GAS7: variants seen among roughly 807,000 people sequenced by gnomAD.
GAS7 encodes growth arrest specific 7.
Under a neutral mutation model 71.1 loss-of-function variants are expected in GAS7, and 28 were observed. The ratio of observed to expected loss-of-function variants is 0.39; its 90% CI spans 0.29 to 0.54. The LOEUF is 0.54. GAS7 is among the 20% of genes least tolerant of loss of function. The pLI is 0.62. For synonymous variants in GAS7, 258 were observed against 245.8 expected (o/e 1.05, Z -0.46); for missense variants, 436 against 627.8 (o/e 0.69, Z 3.27).
intron 1 of GAS7, among the ~76,000 whole-genome samples, chr17:10,164,932 T>C (rs2074282193): frequency 6.7e-6 from 1 of 149,140 alleles, no homozygotes; most frequent in African/African-American, 2.5e-5. Context: ...GCGGATCACC[T>C]GAGGTCAGGA....
intron 2 of GAS7, among the ~76,000 whole-genome samples, chr17:9,999,216 T>C (rs3786085): frequency 0.25 from 37,482 of 152,132 alleles, 7,274 homozygotes; most frequent in African/African-American, 0.54. Flanking sequence ...TGTGACTTTA[T>C]GTGTATAAAT....
At chr17:10,086,245 T>C (rs1458231578) in intron 1 of GAS7, among the ~76,000 whole-genome samples, 1 of 152,246 alleles carries the variant, frequency 6.6e-6, no homozygotes. Flanking sequence ...CAACAAAGCA[T>C]GCTCACTGTT....
intron 2 of GAS7, among the ~76,000 whole-genome samples, chr17:10,015,593 G>C (rs768128677): frequency 4.6e-5 from 7 of 152,172 alleles, no homozygotes; most frequent in Non-Finnish European, 7.3e-5. Context: ...CTGCAGAAAG[G>C]CAGGCAGATT....
At chr17:10,006,551 G>T (rs901076377) in intron 2 of GAS7, among the ~76,000 whole-genome samples, 7 of 151,656 alleles carry the variant, frequency 4.6e-5, no homozygotes, top group Admixed American at 4.6e-4. Context: ...GCATGGTCTC[G>T]ATCTCCTGAC....
At position 9,959,808 on chromosome 17, in the gene GAS7, C is replaced by T. The variant is rs915152777; in HGVS notation, c.472-553G>A. 9.2e-5 allele frequency among the ~76,000 whole-genome samples: 14 copies of T among 151,498 alleles called. No homozygotes were observed. In the East Asian group the frequency reaches 1.5e-3, roughly 17 times the overall value. On this transcript the variant is annotated intron_variant, in intron 4 of 13. Coordinates refer to ENST00000432992, the MANE Select transcript of GAS7 (RefSeq NM_201433.2). This position sits in a 1 kb window ranked among gnomAD's most constrained non-coding sequence, Gnocchi z 5.0. ...GCCAGGAGGGATTTCTCAGCCAAAC[C>T]GACTTCCAGCTTCCACTCAGTCTTT...
chr17:10,176,512 G>A (rs1408532587), intron 1 of GAS7, among the ~76,000 whole-genome samples: 1 of 152,228 alleles, frequency 6.6e-6, no homozygotes, highest in African/African-American at 2.4e-5. Flanking sequence ...GCAGCAGAAT[G>A]GGTGTCACCA....
intron 1 of GAS7, among the ~76,000 whole-genome samples, chr17:10,104,895 C>T (rs2073742734): frequency 6.6e-6 from 1 of 152,212 alleles, no homozygotes; most frequent in South Asian, 2.1e-4. Flanking sequence ...CCAGAGGGAA[C>T]TTATAAAACA....
At chr17:10,168,934 C>A (rs2142128677) in intron 1 of GAS7, among the ~76,000 whole-genome samples, 1 of 148,460 alleles carries the variant, frequency 6.7e-6, no homozygotes, top group South Asian at 2.1e-4. Flanking sequence ...CACGCCACTG[C>A]ACTCCAGCGT....
chr17:9,938,590 T>A (rs2068485267), intron 8 of GAS7, among the ~76,000 whole-genome samples: 1 of 150,600 alleles, frequency 6.6e-6, no homozygotes, highest in Admixed American at 6.6e-5. Flanking sequence ...TGCAACCCAA[T>A]GGGAGAGTCC....
rs182748241 is a variant in GAS7 at position 10,118,289 on chromosome 17, C to T, written c.183+79919G>A. Among the ~76,000 whole-genome samples the T allele has an allele frequency of 1.2e-3, 182 of 152,290 alleles. 7 individuals are homozygous for T. The South Asian group carries it at 0.02, about 17-fold the overall frequency. ...AGGTGGGAAGGAAGTCATGGGAGCACAGCTGGATTCTGGAATGCAGCCCAA... is the reference window on the plus strand; with the variant it reads ...AGGTGGGAAGGAAGTCATGGGAGCATAGCTGGATTCTGGAATGCAGCCCAA... On this transcript the variant is annotated intron_variant, in intron 1 of 13. Transcript: ENST00000432992.
chr17:10,106,981 CAGTCCCACTGGACTGTGGT>C (rs1336629770), intron 1 of GAS7, among the ~76,000 whole-genome samples: 1 of 152,138 alleles, frequency 6.6e-6, no homozygotes. Context: ...GCTGATGCCA[CAGTCCCACTGGACTGTGGT>C]AAGGTGGTTC....
At chr17:10,129,160 A>C (rs2073976879) in intron 1 of GAS7, among the ~76,000 whole-genome samples, 1 of 152,202 alleles carries the variant, frequency 6.6e-6, no homozygotes, top group Non-Finnish European at 1.5e-5. Flanking sequence ...AACATACAAA[A>C]GAATGAAGCT....
In GAS7 at chr17:9,910,936, T is replaced by A. The variant is rs1275867278; in HGVS notation, c.*6292A>T. The A allele has an allele frequency of 4.3e-6, 1 of 231,682 alleles. No homozygotes were observed. The highest frequency in any genetic ancestry group is 2.2e-5 in the African/African-American group (1 of 45,146). The allele number at this position is 231,682 out of a possible 1,614,324, so 14.4% of individuals were successfully genotyped here. ...ACGGCTCTTTAACATGAAAAATGTA[T>A]AAAGTATTTAGCAAAAGTTACAGAA... is the stretch of plus-strand genomic sequence containing the variant. On this transcript the variant is annotated 3_prime_UTR_variant, in exon 14 of 14. Transcript: ENST00000432992.
intron 2 of GAS7, among the ~76,000 whole-genome samples, chr17:10,005,342 CACACAT>C (rs1040388154): frequency 6.9e-4 from 105 of 151,082 alleles, no homozygotes; most frequent in African/African-American, 2.5e-3. Context: ...CACACACACA[CACACAT>C]ATATATATAT....
At chr17:10,017,503 A>AT (rs2072087665) in intron 2 of GAS7, among the ~76,000 whole-genome samples, 2 of 151,882 alleles carry the variant, frequency 1.3e-5, no homozygotes, top group African/African-American at 4.8e-5. Context: ...TAATTTTGAT[A>AT]TTTTTAGTAG....
chr17:10,056,521 AAAAT>A (rs1407456253), intron 1 of GAS7, among the ~76,000 whole-genome samples: 1 of 151,962 alleles, frequency 6.6e-6, no homozygotes, highest in Non-Finnish European at 1.5e-5. Context: ...ATAAAAAATA[AAAAT>A]AAATTAAAAA....
At chr17:10,009,527 A>G (rs1302585134) in intron 2 of GAS7, among the ~76,000 whole-genome samples, 1 of 152,000 alleles carries the variant, frequency 6.6e-6, no homozygotes, top group Non-Finnish European at 1.5e-5. Flanking sequence ...ACATTTATAG[A>G]TATAGATCTA....
At chr17:9,992,108 G>A (rs1300927115) in intron 2 of GAS7, among the ~76,000 whole-genome samples, 1 of 152,114 alleles carries the variant, frequency 6.6e-6, no homozygotes, top group African/African-American at 2.4e-5. Flanking sequence ...CCACATGTCG[G>A]GAAAACTAGT....
chr17:10,068,926 G>A (rs2073311562), intron 1 of GAS7, among the ~76,000 whole-genome samples: 1 of 152,156 alleles, frequency 6.6e-6, no homozygotes, highest in Admixed American at 6.5e-5. Flanking sequence ...AGTGAGTCCT[G>A]GTAGCATGTG....
Sources: allele counts gnomAD v4.1 joint callset (sites outside exome capture counted in the v4.1 genomes callset), GRCh38; gene constraint gnomAD v4.1.1; non-coding constraint Gnocchi (gnomAD v3.1); transcripts MANE v1.5; gene names NCBI Gene and HGNC (gene_info 2026-07-23, HGNC 2026-07-21).